Variants in SPECC1 observed in about 807,000 individuals in gnomAD.
The protein encoded by SPECC1 is cytospin-B.
SPECC1 carries 62 observed loss-of-function variants against 104.1 expected under a neutral mutation model. The observed-to-expected ratio is 0.60, with a 90% CI of 0.49 to 0.74. SPECC1 has a LOEUF of 0.74. SPECC1 is among the 30% of genes least tolerant of loss of function. The pLI, the probability that SPECC1 is intolerant of heterozygous loss-of-function variation, is 0.00. For missense variants in SPECC1, 1,306 were observed against 1,310.5 expected (o/e 1.00, Z 0.05); for synonymous variants, 513 against 501.6 (o/e 1.02, Z -0.30).
At chr17:20,164,064 C>G (rs1367570263) in intron 3 of SPECC1, among the ~76,000 whole-genome samples, 1 of 151,938 alleles carries the variant, frequency 6.6e-6, no homozygotes, top group Non-Finnish European at 1.5e-5. Context: ...TACTACTTGT[C>G]TGATTCTTTT....
chr17:20,100,305 T>G (rs541207700), intron 2 of SPECC1, among the ~76,000 whole-genome samples: 2 of 152,186 alleles, frequency 1.3e-5, no homozygotes, highest in Admixed American at 1.3e-4. Flanking sequence ...GACCTTAATC[T>G]TTCCACCTAT....
At position 20,013,326 on chromosome 17, in the gene SPECC1, C is replaced by T. The variant is rs1775981618; in HGVS notation, c.-22+3902C>T. Among the ~76,000 whole-genome samples the T allele has an allele frequency of 5.3e-5, 8 of 152,168 alleles. No homozygotes were observed. The South Asian group carries it at 1.4e-3, about 28-fold the overall frequency. On this transcript the variant is annotated intron_variant, in intron 1 of 14. Transcript: ENST00000395527. Reference sequence around the variant, plus strand: ...CCATTTTATATTCTCACCAGCAATGCGTGAGAATTTCAGTTTCCATACATC... The same window carrying T: ...CCATTTTATATTCTCACCAGCAATGTGTGAGAATTTCAGTTTCCATACATC...
intron 3 of SPECC1, among the ~76,000 whole-genome samples, chr17:20,150,278 C>T (rs954240245): frequency 1.8e-4 from 28 of 151,398 alleles, no homozygotes; most frequent in African/African-American, 1.2e-4. Context: ...CCACTGTGCC[C>T]GGCCTTTTTT....
chr17:20,049,816 T>C lies in SPECC1; in HGVS notation c.-22+40392T>C, dbSNP rs192944154. Reference sequence around the variant, plus strand: ...TTCATTTTTTTCTTTTCTTTCTTTATTTTTATTTATTTATTAATTTTTTTG... The same window carrying C: ...TTCATTTTTTTCTTTTCTTTCTTTACTTTTATTTATTTATTAATTTTTTTG... On this transcript the variant is annotated intron_variant, in intron 1 of 14. Coordinates refer to ENST00000395527, the MANE Select transcript of SPECC1 (RefSeq NM_001243439.2). 7.9e-5 allele frequency among the ~76,000 whole-genome samples: 12 copies of C among 152,148 alleles called. 1 individual carries two copies. Among genetic ancestry groups the C allele is most frequent in the Middle Eastern group, 6.8e-3 (2 of 294 alleles).
intron 3 of SPECC1, among the ~76,000 whole-genome samples, chr17:20,175,739 T>A (rs947181081): frequency 6.6e-6 from 1 of 152,228 alleles, no homozygotes; most frequent in Non-Finnish European, 1.5e-5. Flanking sequence ...GTTCTGCTCC[T>A]GGAGATTAAG....
Position 20,060,341 on chromosome 17 carries a change from G to A in SPECC1, c.-21-36290G>A, listed in dbSNP as rs143887778. On this transcript the variant is annotated intron_variant, in intron 1 of 14. Coordinates refer to ENST00000395527, the MANE Select transcript of SPECC1 (RefSeq NM_001243439.2). ...TGCGGTTTCTACAACTATTTCAGAA[G>A]CTTCATAAATGCTAAAGCGTCTGGG... Among the ~76,000 whole-genome samples the A allele has an allele frequency of 3.7e-3, 563 of 152,272 alleles. 2 individuals are homozygous for A. Among genetic ancestry groups the A allele is most frequent in the South Asian group, 0.011 (54 of 4,820 alleles).
chr17:20,165,106 G>A (rs1029462474), intron 3 of SPECC1, among the ~76,000 whole-genome samples: 1 of 152,028 alleles, frequency 6.6e-6, no homozygotes, highest in Non-Finnish European at 1.5e-5. Flanking sequence ...ATAAGTAAAC[G>A]TGTGCCATGG....
intron 1 of SPECC1, among the ~76,000 whole-genome samples, chr17:20,082,122 G>A (rs570260056): frequency 1.3e-5 from 2 of 152,240 alleles, no homozygotes; most frequent in African/African-American, 4.8e-5. Context: ...CCGTGCTCGC[G>A]CGCTGTGGCC....
intron 1 of SPECC1, among the ~76,000 whole-genome samples, chr17:20,051,128 C>CCTTCT: frequency 8.6e-6 from 1 of 116,300 alleles, no homozygotes; most frequent in Non-Finnish European, 1.8e-5. Flanking sequence ...TTCTTTCTTT[C>CCTTCT]TTTCTTTCTT....
intron 3 of SPECC1, among the ~76,000 whole-genome samples, chr17:20,123,947 A>G (rs893141651): frequency 6.6e-6 from 1 of 152,242 alleles, no homozygotes; most frequent in African/African-American, 2.4e-5. Context: ...TGGGATATAA[A>G]TATTGGTACC....
intron 1 of SPECC1, among the ~76,000 whole-genome samples, chr17:20,032,888 G>A (rs922472909): frequency 6.6e-6 from 1 of 151,422 alleles, no homozygotes; most frequent in Non-Finnish European, 1.5e-5. Context: ...ATATATATGT[G>A]TGTCTGTATA....
At chr17:20,095,099 C>T (rs1358732829) in intron 1 of SPECC1, among the ~76,000 whole-genome samples, 1 of 152,114 alleles carries the variant, frequency 6.6e-6, no homozygotes, top group Non-Finnish European at 1.5e-5. Flanking sequence ...GGGAGGAGGT[C>T]CTCATGAAAT....
chr17:20,298,948 A>AGAGAGAGAGAGAGTGTGTGTGTGT, intron 13 of SPECC1, among the ~76,000 whole-genome samples: 1 of 49,072 alleles, frequency 2.0e-5, no homozygotes, highest in Non-Finnish European at 3.7e-5. Context: ...AGAGAGAGAG[A>AGAGAGAGAGAGAGTGTGTGTGTGT]GTGTGTGTGT....
At chr17:20,312,977 G>A (rs1173417576) in intron 14 of SPECC1, among the ~76,000 whole-genome samples, 1 of 152,084 alleles carries the variant, frequency 6.6e-6, no homozygotes, top group Non-Finnish European at 1.5e-5. Flanking sequence ...TCTGCTTCTG[G>A]CTTTACATCA....
At chr17:20,108,703 C>T (rs530724863) in intron 2 of SPECC1, among the ~76,000 whole-genome samples, 2 of 152,226 alleles carry the variant, frequency 1.3e-5, no homozygotes, top group African/African-American at 4.8e-5. Flanking sequence ...TGCATTTATC[C>T]TCTCTGTTGA....
intron 3 of SPECC1, among the ~76,000 whole-genome samples, chr17:20,202,073 AT>A (rs1438040498): frequency 1.3e-5 from 2 of 152,272 alleles, no homozygotes; most frequent in African/African-American, 4.8e-5. Context: ...GTCTAAACTT[AT>A]GCACACACAG....
chr17:20,258,501 C>T (rs2039912579), intron 11 of SPECC1, among the ~76,000 whole-genome samples: 1 of 152,182 alleles, frequency 6.6e-6, no homozygotes, highest in Non-Finnish European at 1.5e-5. Flanking sequence ...GCACTGAGCA[C>T]ATCCTGCTGC....
chr17:20,281,985 G>A (rs985104374), intron 12 of SPECC1, among the ~76,000 whole-genome samples: 13 of 152,198 alleles, frequency 8.5e-5, no homozygotes, highest in Non-Finnish European at 1.5e-4. Context: ...GCCTGCGTTC[G>A]GGTGCTGTGT....
At chr17:20,285,875 T>C (rs2040928159) in intron 12 of SPECC1, among the ~76,000 whole-genome samples, 1 of 151,732 alleles carries the variant, frequency 6.6e-6, no homozygotes, top group Admixed American at 6.6e-5. Context: ...TGAAGTGATT[T>C]GATCATGGCT....
Sources: gnomAD v4.1 joint callset for allele counts (sites outside exome capture counted in the v4.1 genomes callset) on GRCh38, gnomAD v4.1.1 for gene constraint, MANE v1.5 for transcripts, NCBI Gene and HGNC (gene_info 2026-07-23, HGNC 2026-07-21) for gene names.